Variants in SYNPR observed in about 807,000 individuals in gnomAD.
SYNPR encodes the protein synaptoporin.
In SYNPR, 23 loss-of-function variants were observed where a neutral mutation model predicts 32.9. That is an observed-to-expected ratio of 0.70 (90% CI 0.50 to 0.99). The LOEUF (loss-of-function observed/expected upper bound fraction) is 0.99. Among genes scored for constraint, SYNPR ranks in the 50% least tolerant of loss-of-function variants. The pLI is 0.00. For synonymous variants in SYNPR, 146 were observed against 135.9 expected, an observed-to-expected ratio of 1.07 and a Z score of -0.52; for missense variants, 318 against 349.3, an observed-to-expected ratio of 0.91 and a Z score of 0.71.
At chr3:63,353,956 A>G (rs1485398072) in intron 2 of SYNPR, among the ~76,000 whole-genome samples, 1 of 152,180 alleles carries the variant, frequency 6.6e-6, no homozygotes, top group African/African-American at 2.4e-5. Context: ...AGGAGGCTGT[A>G]TGTATGAAAG....
At chr3:63,408,200 G>GA (rs1560220870) in intron 2 of SYNPR, among the ~76,000 whole-genome samples, 2 of 43,584 alleles carry the variant, frequency 4.6e-5, no homozygotes, top group Non-Finnish European at 7.9e-5. Context: ...GAAAGAGGAA[G>GA]GAAGGAAGGA....
At chr3:63,285,878 A>G (rs1437248946) in intron 2 of SYNPR, among the ~76,000 whole-genome samples, 10 of 152,214 alleles carry the variant, frequency 6.6e-5, no homozygotes, top group South Asian at 4.1e-4. Flanking sequence ...CAAGTAAGGT[A>G]CCTTGCTTAG....
intron 2 of SYNPR, among the ~76,000 whole-genome samples, chr3:63,257,094 T>A (rs1033863369): frequency 2.6e-5 from 4 of 152,194 alleles, no homozygotes; most frequent in Non-Finnish European, 5.9e-5. Context: ...CTATATCTGA[T>A]TGGTGTACCT....
the SYNPR span, among the ~76,000 whole-genome samples, chr3:63,204,599 T>G: frequency 6.6e-6 from 1 of 152,238 alleles, no homozygotes; most frequent in Non-Finnish European, 1.5e-5. Context: ...TCTCCTTTAG[T>G]AGAAGTCTTC....
chr3:63,562,849 T>C (rs1160360358), intron 4 of SYNPR, among the ~76,000 whole-genome samples: 1 of 152,198 alleles, frequency 6.6e-6, no homozygotes, highest in African/African-American at 2.4e-5. Context: ...TTAATCTTCT[T>C]GTGTGAAATA....
chr3:63,485,028 G>C (rs1701119707), intron 3 of SYNPR, among the ~76,000 whole-genome samples: 1 of 152,172 alleles, frequency 6.6e-6, no homozygotes, highest in Admixed American at 6.6e-5. Context: ...ATCATGCAGA[G>C]TTTGAGATGC....
chr3:63,370,583 T>A (rs1231181981), intron 2 of SYNPR, among the ~76,000 whole-genome samples: 1 of 152,230 alleles, frequency 6.6e-6, no homozygotes, highest in African/African-American at 2.4e-5. Context: ...GTGTTTAAAA[T>A]GGACAAATAC....
intron 2 of SYNPR, among the ~76,000 whole-genome samples, chr3:63,452,582 T>C (rs17068597): frequency 0.16 from 24,005 of 152,108 alleles, 2,035 homozygotes; most frequent in East Asian, 0.28. Flanking sequence ...TGTAGCACTT[T>C]CTGTTTACCA....
intron 2 of SYNPR, among the ~76,000 whole-genome samples, chr3:63,379,570 G>A (rs1315274547): frequency 6.6e-6 from 1 of 151,938 alleles, no homozygotes; most frequent in Non-Finnish European, 1.5e-5. Flanking sequence ...CTTACATAAT[G>A]TCTCTTTCTG....
At chr3:63,291,201 G>A (rs2086735101) in intron 2 of SYNPR, among the ~76,000 whole-genome samples, 1 of 148,588 alleles carries the variant, frequency 6.7e-6, no homozygotes, top group Admixed American at 6.7e-5. Context: ...AAGTTTCTCA[G>A]GGATTTTACC....
intron 2 of SYNPR, among the ~76,000 whole-genome samples, chr3:63,360,299 G>T (rs759628586): frequency 5.3e-5 from 8 of 152,020 alleles, no homozygotes; most frequent in Non-Finnish European, 8.8e-5. Context: ...CTTATACCCT[G>T]ATTCTGACCA....
rs140698056 is a variant in SYNPR, at chr3:63,506,157, CTCT to C, written c.209+25209_209+25211del. Among the ~76,000 whole-genome samples, 1,161 of 151,778 alleles carry C rather than the reference CTCT, an allele frequency of 7.6e-3. 14 individuals carry two copies. The highest frequency in any genetic ancestry group is 0.027 in the African/African-American group (1,100 of 41,344). The stretch of plus-strand genomic sequence containing the variant: ...TTCCTCTCTTCCCTTTTCCTCCGCT[CTCT>C]TCTTCTTTCCTTTCTTTCCTTCTCC... On this transcript the variant is annotated intron_variant, in intron 3 of 5. Coordinates refer to ENST00000478300, the MANE Select transcript of SYNPR (RefSeq NM_001130003.2).
chr3:63,406,359 G>C (rs1327264744), intron 2 of SYNPR, among the ~76,000 whole-genome samples: 1 of 152,102 alleles, frequency 6.6e-6, no homozygotes, highest in Non-Finnish European at 1.5e-5. Flanking sequence ...GAACACTTAA[G>C]CATGGGCTAG....
At chr3:63,429,187 A>C (rs1432702475) in intron 2 of SYNPR, among the ~76,000 whole-genome samples, 1 of 152,192 alleles carries the variant, frequency 6.6e-6, no homozygotes, top group Non-Finnish European at 1.5e-5. Flanking sequence ...AAAAAACAGT[A>C]AGAGGAGCCA....
chr3:63,494,827 A>G (rs1288470340), intron 3 of SYNPR, among the ~76,000 whole-genome samples: 1 of 152,014 alleles, frequency 6.6e-6, no homozygotes, highest in African/African-American at 2.4e-5. Context: ...GCCCTTCACC[A>G]CCATACTGTA....
chr3:63,491,322 G>A (rs1701253919), intron 3 of SYNPR, among the ~76,000 whole-genome samples: 1 of 152,000 alleles, frequency 6.6e-6, no homozygotes, highest in Non-Finnish European at 1.5e-5. Context: ...TAGACAATTA[G>A]CTACACAGGG....
chr3:63,591,921 T>TAAAA (rs569646701), intron 4 of SYNPR, among the ~76,000 whole-genome samples: 1 of 135,926 alleles, frequency 7.4e-6, no homozygotes, highest in Non-Finnish European at 1.6e-5. Context: ...TAAAGTATAA[T>TAAAA]AAAAAAAAAA....
chr3:63,435,934 G>A (rs1700076387), intron 2 of SYNPR, among the ~76,000 whole-genome samples: 1 of 152,084 alleles, frequency 6.6e-6, no homozygotes, highest in African/African-American at 2.4e-5. Context: ...TAAGTTCCTG[G>A]CTTGCACAGT....
intron 3 of SYNPR, among the ~76,000 whole-genome samples, chr3:63,535,678 GA>G (rs35829976): frequency 0.22 from 32,262 of 149,076 alleles, 3,500 homozygotes; most frequent in East Asian, 0.32. Flanking sequence ...TATTAATGGA[GA>G]AAAAAATAGT....
Sources: gnomAD v4.1 joint callset for allele counts (sites outside exome capture counted in the v4.1 genomes callset) on GRCh38, gnomAD v4.1.1 for gene constraint, MANE v1.5 for transcripts, NCBI Gene and HGNC (gene_info 2026-07-23, HGNC 2026-07-21) for gene names.